C5orf46: variants seen among roughly 807,000 people sequenced by gnomAD.
C5orf46 encodes chromosome 5 open reading frame 46, also known as uncharacterized protein C5orf46.
C5orf46 carries 9 observed loss-of-function variants against 8.9 expected under a neutral mutation model. That is an observed-to-expected ratio of 1.01 (90% CI 0.61 to 1.76). The LOEUF (loss-of-function observed/expected upper bound fraction) is 1.76. C5orf46 is among the 40% of genes most tolerant of loss of function. The pLI is 0.00. For missense variants in C5orf46, 98 were observed against 107.8 expected (o/e 0.91, Z 0.40); for synonymous variants, 47 against 41.4 (o/e 1.14, Z -0.52).
intron 2 of C5orf46, among the ~76,000 whole-genome samples, chr5:147,897,798 C>T (rs1017508039): frequency 4.6e-5 from 7 of 152,166 alleles, no homozygotes; most frequent in African/African-American, 1.7e-4. Flanking sequence ...ATTAGACTTG[C>T]CAAGTGAACA....
At chr5:147,893,386 G>T (rs932185885) in intron 3 of C5orf46, among the ~76,000 whole-genome samples, 36 of 150,312 alleles carry the variant, frequency 2.4e-4, no homozygotes, top group African/African-American at 8.1e-4. Context: ...CCAGGTTCAA[G>T]CGATTCTTCT....
chr5:147,888,841 T>A (rs1757459525), downstream of C5orf46, among the ~76,000 whole-genome samples: 1 of 152,208 alleles, frequency 6.6e-6, no homozygotes. Flanking sequence ...TATGCATATG[T>A]TTAAATTCTT....
chr5:147,898,375 C>A (rs1004344602), intron 2 of C5orf46, among the ~76,000 whole-genome samples: 6 of 151,820 alleles, frequency 4.0e-5, no homozygotes, highest in African/African-American at 1.5e-4. Flanking sequence ...TTGAGAAGAT[C>A]CTTAGATTTC....
downstream of C5orf46, among the ~76,000 whole-genome samples, chr5:147,891,884 A>T (rs1757507522): frequency 6.6e-6 from 1 of 152,212 alleles, no homozygotes; most frequent in Non-Finnish European, 1.5e-5. Context: ...TGGTTTATCT[A>T]CCTGTATTAT....
intron 2 of C5orf46, 188 bp downstream of exon 2, chr5:147,901,441 C>T (rs993175419): frequency 8.1e-6 from 4 of 493,740 alleles, no homozygotes; most frequent in Non-Finnish European, 1.4e-5. Flanking sequence ...TCCTTTCCCC[C>T]AAAAAGCTCA....
At chr5:147,905,458 T>C (rs577242553) in intron 1 of C5orf46, among the ~76,000 whole-genome samples, 2 of 152,344 alleles carry the variant, frequency 1.3e-5, no homozygotes, top group South Asian at 4.1e-4. Context: ...AGGAGTAGAA[T>C]GGACTGAATA....
At chr5:147,887,329 G>A (rs1757437899) in intron 2 of C5orf46, 1 of 152,020 alleles carries the variant, frequency 6.6e-6, no homozygotes, top group South Asian at 2.1e-4. Context: ...TTTTCACTGG[G>A]GATTCACAAC....
chr5:147,902,385 G>A (rs1035095065), intron 1 of C5orf46, among the ~76,000 whole-genome samples: 1 of 152,054 alleles, frequency 6.6e-6, no homozygotes, highest in East Asian at 1.9e-4. Context: ...CAGAAGATAG[G>A]GGCTGTAGTG....
intron 3 of C5orf46, among the ~76,000 whole-genome samples, chr5:147,894,151 A>C (rs1757545798): frequency 6.6e-6 from 1 of 152,134 alleles, no homozygotes. Flanking sequence ...AAAAATTAAG[A>C]ATTCATAAAG....
At chr5:147,901,144 C>T (rs1440032350) in intron 2 of C5orf46, among the ~76,000 whole-genome samples, 1 of 152,166 alleles carries the variant, frequency 6.6e-6, no homozygotes, top group Non-Finnish European at 1.5e-5. Flanking sequence ...ACTCCTCACA[C>T]CCATCACTAA....
intron 1 of C5orf46, 130 bp downstream of exon 1, chr5:147,906,302 C>T (rs990309875): frequency 4.1e-6 from 2 of 483,804 alleles, no homozygotes; most frequent in Non-Finnish European, 3.8e-6. Context: ...CTCTTGTCTC[C>T]CAGGCCAGTG....
intron 2 of C5orf46, chr5:147,901,424 G>A (rs1757667121): frequency 2.3e-6 from 1 of 438,434 alleles, no homozygotes; most frequent in Admixed American, 4.1e-5. Context: ...ACCACTTGAT[G>A]GGAATGTCCT....
intron 3 of C5orf46, among the ~76,000 whole-genome samples, chr5:147,895,367 C>G (rs1757565270): frequency 6.6e-6 from 1 of 152,132 alleles, no homozygotes; most frequent in Non-Finnish European, 1.5e-5. Flanking sequence ...GCCATTCCTC[C>G]CTGCTCATCA....
Position 147,901,432 on chromosome 5 carries a change from C to T in C5orf46, c.215+197G>A, listed in dbSNP as rs1365019958. On this transcript the variant is annotated intron_variant, in intron 2 of 3. Transcript: ENST00000318315. ...GTATGGAACCACTTGATGGGAATGT[C>T]CTTTCCCCCAAAAAGCTCAGGGCAG... 6 of 475,406 alleles carry T rather than the reference C, an allele frequency of 1.3e-5. No homozygotes were observed. In the East Asian group the frequency reaches 1.7e-4, roughly 14 times the overall value. 29.4% of individuals were successfully genotyped at this position (475,406 alleles called of 1,614,324 possible).
chr5:147,897,858 C>T (rs575428505), intron 2 of C5orf46, among the ~76,000 whole-genome samples: 1 of 152,178 alleles, frequency 6.6e-6, no homozygotes, highest in South Asian at 2.1e-4. Context: ...AGGGAAAAAT[C>T]ACACGCACAG....
intron 2 of C5orf46, among the ~76,000 whole-genome samples, chr5:147,901,129 G>C (rs1179686953): frequency 3.4e-4 from 52 of 152,064 alleles, no homozygotes; most frequent in Admixed American, 3.3e-3. Flanking sequence ...GAAAATATAG[G>C]CAGGACTCCT....
chr5:147,889,603 A>G (rs1173326371), downstream of C5orf46, among the ~76,000 whole-genome samples: 13 of 152,192 alleles, frequency 8.5e-5, no homozygotes, highest in Non-Finnish European at 1.5e-4. Flanking sequence ...ACGTTTATCT[A>G]TGTAACAAAC....
At chr5:147,893,156 A>C (rs2127124904) in intron 3 of C5orf46, among the ~76,000 whole-genome samples, 1 of 152,328 alleles carries the variant, frequency 6.6e-6, no homozygotes, top group South Asian at 2.1e-4. Context: ...TAAAGAAAGA[A>C]TCAGAAACAA....
At chr5:147,902,492 G>A (rs1204074763) in intron 1 of C5orf46, among the ~76,000 whole-genome samples, 1 of 152,048 alleles carries the variant, frequency 6.6e-6, no homozygotes, top group Non-Finnish European at 1.5e-5. Flanking sequence ...ATATCAATGG[G>A]TAACATTTGT....
Sources: allele counts gnomAD v4.1 joint callset (sites outside exome capture counted in the v4.1 genomes callset), GRCh38; gene constraint gnomAD v4.1.1; transcripts MANE v1.5; gene names NCBI Gene and HGNC (gene_info 2026-07-23, HGNC 2026-07-21).